METTL15: variants seen among roughly 807,000 people sequenced by gnomAD.
METTL15 encodes the protein methyltransferase 15, mitochondrial 12S rRNA N4-cytidine, also known as 12S rRNA N(4)-cytidine methyltransferase METTL15.
A neutral mutation model predicts 38.3 loss-of-function variants in METTL15; 34 were observed. That is an observed-to-expected ratio of 0.89 (90% CI 0.68 to 1.18). METTL15 has a LOEUF of 1.18. Among genes scored for constraint, METTL15 ranks in the 50% most tolerant of loss-of-function variants. METTL15 has a pLI of 0.00. For synonymous variants in METTL15, 162 were observed against 170.9 expected (o/e 0.95, Z 0.41); for missense variants, 438 against 498.4 (o/e 0.88, Z 1.15).
chr11:28,502,246 A>G (rs955763230), intron 6 of METTL15, among the ~76,000 whole-genome samples: 1 of 152,200 alleles, frequency 6.6e-6, no homozygotes, highest in Non-Finnish European at 1.5e-5. Flanking sequence ...AGAGACTGGT[A>G]ATTTACTAAA....
At chr11:28,163,596 A>G (rs1019122796) in intron 3 of METTL15, 2 of 394,902 alleles carry the variant, frequency 5.1e-6, no homozygotes, top group Non-Finnish European at 8.9e-6. Context: ...AATCAAATGT[A>G]TTTCCTCACC....
At chr11:28,296,493 A>G (rs1238924116) in intron 5 of METTL15, among the ~76,000 whole-genome samples, 2 of 152,148 alleles carry the variant, frequency 1.3e-5, no homozygotes, top group East Asian at 1.9e-4. Context: ...TTTGTGAATT[A>G]AAGTTTAAGG....
intron 4 of METTL15, among the ~76,000 whole-genome samples, chr11:28,277,318 T>C (rs1855881542): frequency 6.6e-6 from 1 of 152,172 alleles, no homozygotes; most frequent in Non-Finnish European, 1.5e-5. Context: ...AGCAAAGATA[T>C]GGAATCAATC....
intron 5 of METTL15, among the ~76,000 whole-genome samples, chr11:28,387,057 G>A (rs1343923491): frequency 6.6e-6 from 1 of 151,890 alleles, no homozygotes. Flanking sequence ...AGCAAATGCA[G>A]TACTAAGGGC....
At chr11:28,315,894 A>AT (rs1236588040) in intron 6 of METTL15, among the ~76,000 whole-genome samples, 1 of 152,180 alleles carries the variant, frequency 6.6e-6, no homozygotes, top group Non-Finnish European at 1.5e-5. Context: ...GAAGTCAAGA[A>AT]TTGGGGTTTG....
intron 4 of METTL15, among the ~76,000 whole-genome samples, chr11:28,240,267 C>A (rs1854235121): frequency 6.6e-6 from 1 of 152,142 alleles, no homozygotes; most frequent in Non-Finnish European, 1.5e-5. Context: ...ATCAGCTATA[C>A]TTTGTTCGTA....
chr11:28,234,027 T>C (rs1853814516), intron 4 of METTL15, among the ~76,000 whole-genome samples: 1 of 150,924 alleles, frequency 6.6e-6, no homozygotes, highest in South Asian at 2.1e-4. Context: ...ATTGTTCAGT[T>C]CCCACCTATG....
chr11:28,115,314 A>G (rs556752913), intron 3 of METTL15, among the ~76,000 whole-genome samples: 2 of 150,168 alleles, frequency 1.3e-5, no homozygotes, highest in Non-Finnish European at 3.0e-5. Context: ...GCTGGAGTGC[A>G]ATGGCATGAT....
chr11:28,311,742 CAT>C (rs1289649257), intron 6 of METTL15, among the ~76,000 whole-genome samples: 1 of 152,198 alleles, frequency 6.6e-6, no homozygotes, highest in Non-Finnish European at 1.5e-5. Flanking sequence ...AATCAGATAA[CAT>C]ATTTTAGATG....
At chr11:28,137,878 C>T (rs1849566845) in intron 3 of METTL15, among the ~76,000 whole-genome samples, 1 of 151,426 alleles carries the variant, frequency 6.6e-6, no homozygotes, top group African/African-American at 2.4e-5. Context: ...CCATCACACA[C>T]ATAACACATG....
At chr11:28,388,200 A>G (rs927399466) in intron 5 of METTL15, among the ~76,000 whole-genome samples, 1 of 152,120 alleles carries the variant, frequency 6.6e-6, no homozygotes, top group Non-Finnish European at 1.5e-5. Context: ...TAGTGCTGGA[A>G]GTCTTAGCCA....
chr11:28,256,980 G>T (rs1590224893), intron 4 of METTL15, among the ~76,000 whole-genome samples: 1 of 151,866 alleles, frequency 6.6e-6, no homozygotes, highest in Admixed American at 6.6e-5. Context: ...AGTATATTTT[G>T]TACTTTGCAT....
chr11:28,393,082 A>T (rs1176453599), intron 5 of METTL15, among the ~76,000 whole-genome samples: 1 of 152,156 alleles, frequency 6.6e-6, no homozygotes, highest in African/African-American at 2.4e-5. Context: ...TGGGAATGTA[A>T]AATGGTGCAG....
intron 4 of METTL15, among the ~76,000 whole-genome samples, chr11:28,257,318 T>A (rs916784601): frequency 2.0e-5 from 3 of 152,208 alleles, no homozygotes; most frequent in Non-Finnish European, 4.4e-5. Flanking sequence ...GCATCCTTTT[T>A]AAAATCTTTG....
chr11:28,361,973 T>A (rs776746421), exon 5 of METTL15: 17 of 152,198 alleles, frequency 1.1e-4, no homozygotes, highest in Admixed American at 5.9e-4. Flanking sequence ...TCTCCCAACT[T>A]CATCTCAGTG....
chr11:28,216,591 T>C (rs918151000), intron 4 of METTL15, among the ~76,000 whole-genome samples: 1 of 152,144 alleles, frequency 6.6e-6, no homozygotes, highest in African/African-American at 2.4e-5. Context: ...CTTTAAATTT[T>C]AGGGTACATG....
chr11:28,211,331 A>C, intron 4 of METTL15, 133 bp downstream of exon 4: 1 of 713,658 alleles, frequency 1.4e-6, no homozygotes, highest in Non-Finnish European at 2.1e-6. Flanking sequence ...TTTTTTCCCC[A>C]AAAAGAATTA....
At chr11:28,123,625 G>A (rs374956771) in intron 3 of METTL15, among the ~76,000 whole-genome samples, 99 of 152,098 alleles carry the variant, frequency 6.5e-4, no homozygotes, top group African/African-American at 2.2e-3. Flanking sequence ...TATTGCTTTA[G>A]AAAGTATGTG....
At chr11:28,528,722 G>A (rs1055027261), downstream of METTL15, among the ~76,000 whole-genome samples, 1 of 152,108 alleles carries the variant, frequency 6.6e-6, no homozygotes, top group Non-Finnish European at 1.5e-5. Context: ...TTCCTTATTT[G>A]TGGTATGTGT....
Sources: allele counts gnomAD v4.1 joint callset (sites outside exome capture counted in the v4.1 genomes callset), GRCh38; gene constraint gnomAD v4.1.1; transcripts MANE v1.5; gene names NCBI Gene and HGNC (gene_info 2026-07-23, HGNC 2026-07-21).